SRSF12: variants seen among roughly 807,000 people sequenced by gnomAD.
SRSF12 encodes the protein serine and arginine rich splicing factor 12, also known as serine/arginine-rich splicing factor 12.
SRSF12 carries 21 observed loss-of-function variants against 34.1 expected under a neutral mutation model. The observed-to-expected ratio is 0.62, with a 90% CI of 0.44 to 0.89. The LOEUF (loss-of-function observed/expected upper bound fraction) is 0.89. SRSF12 is among the 40% of genes least tolerant of loss of function. The pLI is 0.00. For synonymous variants in SRSF12, 111 were observed against 110.8 expected, an observed-to-expected ratio of 1.00 and a Z score of -0.01; for missense variants, 278 against 327.8, an observed-to-expected ratio of 0.85 and a Z score of 1.17.
intron 1 of SRSF12, among the ~76,000 whole-genome samples, chr6:89,114,791 A>G (rs878988895): frequency 6.6e-6 from 1 of 152,110 alleles, no homozygotes; most frequent in Admixed American, 6.5e-5. Context: ...CCAATATTTT[A>G]CTGCTTTTAT....
chr6:89,112,934 T>C (rs184931273), intron 1 of SRSF12, among the ~76,000 whole-genome samples: 3 of 152,106 alleles, frequency 2.0e-5, no homozygotes, highest in African/African-American at 7.2e-5. Flanking sequence ...TGTCTTAAAA[T>C]TGCCTGCGGT....
intron 2 of SRSF12, chr6:89,106,927 T>A (rs1394504039): frequency 1.6e-5 from 9 of 563,076 alleles, no homozygotes; most frequent in Non-Finnish European, 6.7e-6. Context: ...GAACTTTAGG[T>A]GCCTTTTGTC....
At position 89,098,500 on chromosome 6, in the gene SRSF12, C is replaced by T. The variant is rs188489111; in HGVS notation, c.*78G>A. 87 of 1,483,852 alleles carry T rather than the reference C, an allele frequency of 5.9e-5. 1 individual carries two copies. In the Middle Eastern group the frequency reaches 1.7e-3, roughly 30 times the overall value. The allele number at this position is 1,483,852 out of a possible 1,614,324, so 91.9% of individuals were successfully genotyped here. A position where few individuals can be genotyped will look rare whatever the true frequency, so the allele number is the denominator to read the frequency against. ...ATATCAACTCGCATTTTCTGTATGC[C>T]TTAAAGAATTTTTATTTAACATAAT... On this transcript the variant is annotated 3_prime_UTR_variant, in exon 5 of 5. Coordinates refer to ENST00000452027, the MANE Select transcript of SRSF12 (RefSeq NM_080743.5).
chr6:89,097,696 T>C lies in SRSF12; in HGVS notation c.*882A>G, dbSNP rs1253905773. The C allele has an allele frequency of 6.6e-6, 1 of 152,116 alleles. No homozygotes were observed. Among genetic ancestry groups the C allele is most frequent in the Non-Finnish European group, 1.5e-5 (1 of 68,028 alleles). 9.4% of individuals were successfully genotyped at this position (152,116 alleles called of 1,614,324 possible). A position where few individuals can be genotyped will look rare whatever the true frequency, so the allele number is the denominator to read the frequency against. ...GTACTAAACACTCTTTCAAAAATAA[T>C]AAGACTTGTTCCATATAAAGTTGAG... On this transcript the variant is annotated 3_prime_UTR_variant, in exon 5 of 5. Coordinates refer to ENST00000452027, the MANE Select transcript of SRSF12 (RefSeq NM_080743.5).
At chr6:89,113,164 C>CA (rs1769134860) in intron 1 of SRSF12, among the ~76,000 whole-genome samples, 1 of 152,018 alleles carries the variant, frequency 6.6e-6, no homozygotes, top group Non-Finnish European at 1.5e-5. Context: ...TTTTATTTAA[C>CA]ATTTTATCCC....
Position 89,117,866 on chromosome 6 carries a change from G to A in SRSF12, c.22C>T (p.Pro8Ser), listed in dbSNP as rs757907894. MSRYTRP[P>S]NTSLFIRNVA... ...TTCCTGATGAACAGGGAGGTGTTGG[G>A]GGGCCTCGTGTAGCGAGACATGACC... is the stretch of plus-strand genomic sequence containing the variant. The change falls in exon 1 of 5, where the codon CCC (proline) becomes TCC (serine). Residue 8 changes from proline (P) to serine (S), a missense_variant. By Grantham distance (74) the Pro-to-Ser change is moderately conservative. Coordinates refer to ENST00000452027, the MANE Select transcript of SRSF12 (RefSeq NM_080743.5). The A allele has an allele frequency of 6.4e-7, 1 of 1,563,278 alleles. No homozygotes were observed. The highest frequency in any genetic ancestry group is 1.9e-5 in the Admixed American group (1 of 53,702).
At chr6:89,103,104 G>A (rs1228978254) in intron 4 of SRSF12, among the ~76,000 whole-genome samples, 1 of 152,072 alleles carries the variant, frequency 6.6e-6, no homozygotes, top group Non-Finnish European at 1.5e-5. Flanking sequence ...GTGTCAGGGA[G>A]GTTAAGCAAT....
chr6:89,115,080 G>A (rs539613130), intron 1 of SRSF12, among the ~76,000 whole-genome samples: 44 of 151,792 alleles, frequency 2.9e-4, no homozygotes, highest in African/African-American at 1.0e-3. Context: ...ATAGGCGTGA[G>A]CCACCACGCC....
At chr6:89,107,091 T>C in intron 2 of SRSF12, 63 bp downstream of exon 2, 1 of 1,334,124 alleles carries the variant, frequency 7.5e-7, no homozygotes, top group Non-Finnish European at 1.1e-6. Context: ...TGCTACTGAA[T>C]ACATATATGT....
At chr6:89,117,069 A>G (rs1769337260) in intron 1 of SRSF12, among the ~76,000 whole-genome samples, 1 of 152,006 alleles carries the variant, frequency 6.6e-6, no homozygotes, top group Non-Finnish European at 1.5e-5. Context: ...TCCATTAAGG[A>G]AGGAAGTGCT....
At chr6:89,107,130 T>C in intron 2 of SRSF12, 24 bp downstream of exon 2, 2 of 1,596,332 alleles carry the variant, frequency 1.3e-6, no homozygotes, top group Non-Finnish European at 1.7e-6. Flanking sequence ...TATATTCACA[T>C]GCACACAATA....
chr6:89,113,605 G>C (rs1363514210), intron 1 of SRSF12, among the ~76,000 whole-genome samples: 1 of 152,100 alleles, frequency 6.6e-6, no homozygotes, highest in African/African-American at 2.4e-5. Flanking sequence ...CACCGTGCCA[G>C]GCCCCAAAGA....
chr6:89,106,375 A>C (rs983670191), intron 2 of SRSF12, among the ~76,000 whole-genome samples: 2 of 152,200 alleles, frequency 1.3e-5, no homozygotes, highest in African/African-American at 4.8e-5. Context: ...AGCCTCCCAA[A>C]GTGCTGGGAT....
intron 1 of SRSF12, among the ~76,000 whole-genome samples, chr6:89,116,700 G>A (rs571120035): frequency 6.6e-6 from 1 of 151,864 alleles, no homozygotes; most frequent in South Asian, 2.1e-4. Flanking sequence ...GCTTGAACCC[G>A]GGAGGCAGAG....
chr6:89,099,538 G>GTTT lies in SRSF12; in HGVS notation c.417-594_417-592dup, dbSNP rs201450623. On this transcript the variant is annotated intron_variant, in intron 4 of 4. Coordinates refer to ENST00000452027, the MANE Select transcript of SRSF12 (RefSeq NM_080743.5). ...TATACACACACACACACACATACAT[G>GTTT]TTTTTTTTTTTTTTGAGACGGAGTT... is the stretch of plus-strand genomic sequence containing the variant. Among the ~76,000 whole-genome samples, 4 of 126,236 alleles carry GTTT rather than the reference G, an allele frequency of 3.2e-5. 1 individual carries two copies. The highest frequency in any genetic ancestry group is 4.8e-5 in the Non-Finnish European group (3 of 63,110). 82.8% of individuals were successfully genotyped at this position (126,236 alleles called of 152,430 possible).
intron 4 of SRSF12, among the ~76,000 whole-genome samples, chr6:89,099,432 A>ATATACACACATATATATATGTGGG: frequency 1.0e-5 from 1 of 100,284 alleles, no homozygotes; most frequent in African/African-American, 3.4e-5. Flanking sequence ...ATATGTGTGT[A>ATATACACACATATATATATGTGGG]TATATATACA....
rs2127989251 is a variant in SRSF12 at position 89,098,884 on chromosome 6, C to T, written c.480G>A (p.Arg160=). ...TTCTTGACTGCCTTGCTGAGGTAGA[C>T]CGCCTTGGTAATGATTTGGAACGAG... ...SKSRSKSLPR[R]STSARQSRTP... The change falls in exon 5 of 5, where the codon CGG becomes CGA. Residue 160 remains arginine, a synonymous_variant. Coordinates refer to ENST00000452027, the MANE Select transcript of SRSF12 (RefSeq NM_080743.5). 3.7e-6 allele frequency: 6 copies of T among 1,613,848 alleles called. No homozygotes were observed. In the East Asian group the frequency reaches 1.3e-4, roughly 36 times the overall value.
intron 4 of SRSF12, 92 bp from the exon 5 acceptor site, chr6:89,099,039 A>G (rs1291490643): frequency 7.2e-7 from 1 of 1,388,754 alleles, no homozygotes; most frequent in Non-Finnish European, 9.6e-7. Flanking sequence ...TTTACATAAC[A>G]TTAGTTATAT....
chr6:89,116,037 T>C (rs1298914994), intron 1 of SRSF12, among the ~76,000 whole-genome samples: 2 of 152,212 alleles, frequency 1.3e-5, no homozygotes, highest in Admixed American at 6.5e-5. Context: ...GTAAGATATA[T>C]CAACAATAAG....
Sources: allele counts gnomAD v4.1 joint callset (sites outside exome capture counted in the v4.1 genomes callset), GRCh38; gene constraint gnomAD v4.1.1; transcripts MANE v1.5; gene names NCBI Gene and HGNC (gene_info 2026-07-23, HGNC 2026-07-21).